Variants in FGF14 observed in about 807,000 individuals in gnomAD.
FGF14 encodes fibroblast growth factor 14.
A neutral mutation model predicts 25.5 loss-of-function variants in FGF14; 5 were observed. The observed-to-expected ratio is 0.20, with a 90% CI of 0.10 to 0.41. The LOEUF is 0.41. Among genes scored for constraint, FGF14 ranks in the 10% least tolerant of loss-of-function variants. The probability of loss-of-function intolerance (pLI) is 1.00; values close to 1 mark genes in which losing one functional copy is unlikely to be tolerated. For missense variants in FGF14, 222 were observed against 320.1 expected (o/e 0.69, Z 2.34); for synonymous variants, 138 against 118.3 (o/e 1.17, Z -1.08).
intron 1 of FGF14, among the ~76,000 whole-genome samples, chr13:101,975,711 CTT>C (rs1306243609): frequency 3.9e-5 from 6 of 152,190 alleles, no homozygotes; most frequent in Admixed American, 3.9e-4. Flanking sequence ...TTCTTGGCCT[CTT>C]TTTACAGCAA....
chr13:101,778,841 C>A (rs2140016144), intron 3 of FGF14: 1 of 147,440 alleles, frequency 6.8e-6, no homozygotes, highest in Non-Finnish European at 1.5e-5. Context: ...TGTCTGAAGC[C>A]AATTGTTTTT....
chr13:101,932,110 C>T (rs1311336154), intron 1 of FGF14, among the ~76,000 whole-genome samples: 2 of 152,184 alleles, frequency 1.3e-5, no homozygotes, highest in South Asian at 2.1e-4. Flanking sequence ...ATATGCTGAC[C>T]TGCAGCCTTG....
chr13:101,938,763 C>T, intron 1 of FGF14, among the ~76,000 whole-genome samples: 1 of 152,168 alleles, frequency 6.6e-6, no homozygotes, highest in Middle Eastern at 3.2e-3. Context: ...TTTAAACCAA[C>T]AAATGTACCA....
chr13:101,916,731 C>CACCGCGGGA lies in FGF14; in HGVS notation c.-87_-86insTCCCGCGGT. On this transcript the variant is annotated 5_prime_UTR_variant, in exon 1 of 5. Coordinates refer to ENST00000376143, the MANE Select transcript of FGF14 (RefSeq NM_004115.4). ...CGGAGGGGAAGGCGGCGGCGCAGACCGTGGCTCGCCCTCGGGGCAGAGGAG... is the reference window on the plus strand; with the variant it reads ...CGGAGGGGAAGGCGGCGGCGCAGACCACCGCGGGAGTGGCTCGCCCTCGGGGCAGAGGAG... 8.1e-7 allele frequency: 1 copy of CACCGCGGGA among 1,227,904 alleles called. No homozygotes were observed. The highest frequency in any genetic ancestry group is 1.1e-6 in the Non-Finnish European group (1 of 911,284). 76.1% of individuals were successfully genotyped at this position (1,227,904 alleles called of 1,614,324 possible).
intron 1 of FGF14, among the ~76,000 whole-genome samples, chr13:102,267,270 C>T (rs2053034374): frequency 6.6e-6 from 1 of 152,164 alleles, no homozygotes; most frequent in African/African-American, 2.4e-5. Flanking sequence ...ATGAAGGGAC[C>T]TGAGACTTCT....
chr13:101,829,151 C>T (rs918807649), intron 3 of FGF14, among the ~76,000 whole-genome samples: 2 of 152,074 alleles, frequency 1.3e-5, no homozygotes, highest in African/African-American at 4.8e-5. Context: ...ATATTATTCT[C>T]ATCCAAAAGT....
chr13:102,084,489 T>C (rs1359886448), intron 1 of FGF14, among the ~76,000 whole-genome samples: 1 of 152,198 alleles, frequency 6.6e-6, no homozygotes, highest in Non-Finnish European at 1.5e-5. Flanking sequence ...TCTTTTCCTT[T>C]TATAATAGAG....
chr13:102,184,828 T>G (rs1290665516), intron 1 of FGF14, among the ~76,000 whole-genome samples: 1 of 151,976 alleles, frequency 6.6e-6, no homozygotes, highest in Non-Finnish European at 1.5e-5. Flanking sequence ...TTTGGCCTAT[T>G]AATTCTTCTT....
At chr13:102,092,944 G>A (rs532018551) in intron 1 of FGF14, among the ~76,000 whole-genome samples, 1 of 152,170 alleles carries the variant, frequency 6.6e-6, no homozygotes, top group Non-Finnish European at 1.5e-5. Context: ...TAGGATTAGA[G>A]GGCCCTCAAG....
chr13:102,329,741 A>G (rs1346224181), intron 1 of FGF14, among the ~76,000 whole-genome samples: 1 of 152,114 alleles, frequency 6.6e-6, no homozygotes, highest in African/African-American at 2.4e-5. Context: ...ACCCCTGCTC[A>G]GATCAACACC....
At chr13:102,040,379 C>A (rs1219413100) in intron 1 of FGF14, among the ~76,000 whole-genome samples, 1 of 152,032 alleles carries the variant, frequency 6.6e-6, no homozygotes, top group Non-Finnish European at 1.5e-5. Flanking sequence ...ATAGAGGGTG[C>A]TGATTAAATG....
At chr13:101,914,564 T>C (rs2033281909) in intron 1 of FGF14, among the ~76,000 whole-genome samples, 1 of 152,090 alleles carries the variant, frequency 6.6e-6, no homozygotes, top group African/African-American at 2.4e-5. Flanking sequence ...GGGTTGAAAA[T>C]GGAGAAACGG....
intron 1 of FGF14, among the ~76,000 whole-genome samples, chr13:102,026,804 A>G (rs1013148510): frequency 6.6e-6 from 1 of 151,940 alleles, no homozygotes; most frequent in Non-Finnish European, 1.5e-5. Flanking sequence ...CATTATTTAC[A>G]TAAGAAATTG....
chr13:102,144,499 ATAAAG>A (rs753622066), intron 1 of FGF14, among the ~76,000 whole-genome samples: 90 of 152,152 alleles, frequency 5.9e-4, no homozygotes, highest in Non-Finnish European at 1.0e-3. Context: ...ATAGCTATTT[ATAAAG>A]TAAATTATTG....
intron 1 of FGF14, among the ~76,000 whole-genome samples, chr13:102,000,882 A>T (rs1473423114): frequency 6.6e-6 from 1 of 152,224 alleles, no homozygotes. Context: ...TATAAATGAG[A>T]GGCTTCAGCT....
chr13:101,742,074 G>A (rs1190791304), intron 3 of FGF14, among the ~76,000 whole-genome samples: 2 of 152,148 alleles, frequency 1.3e-5, no homozygotes, highest in African/African-American at 2.4e-5. Context: ...AGTGTGTGAT[G>A]TTCCCCTCCC....
At chr13:101,864,387 C>G (rs1258698092) in intron 3 of FGF14, among the ~76,000 whole-genome samples, 1 of 152,136 alleles carries the variant, frequency 6.6e-6, no homozygotes, top group Non-Finnish European at 1.5e-5. Flanking sequence ...ACCGTCTCCC[C>G]CAGATACCAT....
rs747827384 is a variant in FGF14, at chr13:102,144,994, G to A, written c.208+256477C>T. On this transcript the variant is annotated intron_variant, in intron 1 of 4. Transcript: ENST00000376131. ...ATAAAGACTACCAGGTAATTCTTCCGTAATATTTGAAAAATAAATCCCTAA... is the reference window on the plus strand; with the variant it reads ...ATAAAGACTACCAGGTAATTCTTCCATAATATTTGAAAAATAAATCCCTAA... Among the ~76,000 whole-genome samples the A allele has an allele frequency of 5.7e-4, 87 of 152,050 alleles. 1 individual carries two copies. The highest frequency in any genetic ancestry group is 8.4e-4 in the Non-Finnish European group (57 of 67,972).
intron 1 of FGF14, among the ~76,000 whole-genome samples, chr13:101,987,334 G>A (rs1403072529): frequency 6.6e-6 from 1 of 152,004 alleles, no homozygotes; most frequent in African/African-American, 2.4e-5. Context: ...ACACACTGGT[G>A]CTCCTGCTCA....
Sources: allele counts gnomAD v4.1 joint callset (sites outside exome capture counted in the v4.1 genomes callset), GRCh38; gene constraint gnomAD v4.1.1; transcripts MANE v1.5; gene names NCBI Gene and HGNC (gene_info 2026-07-23, HGNC 2026-07-21).